Variants in GALK2 observed in about 807,000 individuals in gnomAD.
GALK2 encodes galactokinase 2, also known as N-acetylgalactosamine kinase.
A neutral mutation model predicts 52.4 loss-of-function variants in GALK2; 36 were observed. The observed-to-expected ratio is 0.69, with a 90% confidence interval of 0.53 to 0.91. The LOEUF is 0.91. GALK2 is among the 40% of genes least tolerant of loss of function. The pLI is 0.00. For synonymous variants in GALK2, 176 were observed against 199.1 expected (o/e 0.88, Z 0.98); for missense variants, 579 against 559.1 (o/e 1.04, Z -0.36).
At chr15:49,365,828 C>T (rs1193679932) in intron 3 of GALK2, 1 of 876,198 alleles carries the variant, frequency 1.1e-6, no homozygotes, top group Non-Finnish European at 2.0e-6. Flanking sequence ...AGTCTCACTT[C>T]CATGCTTTTG....
chr15:49,366,527 G>A, intron 3 of GALK2: 1 of 1,499,276 alleles, frequency 6.7e-7, no homozygotes, highest in South Asian at 1.1e-5. Flanking sequence ...TAGGGTACTT[G>A]GAAGAGCTGA....
chr15:49,164,520 C>A (rs2084755375), intron 1 of GALK2, among the ~76,000 whole-genome samples: 1 of 151,828 alleles, frequency 6.6e-6, no homozygotes. Flanking sequence ...GTGGCTCATA[C>A]CTGTAATCGC....
At chr15:49,355,150 C>G (rs1322300208) in intron 3 of GALK2, among the ~76,000 whole-genome samples, 1 of 151,774 alleles carries the variant, frequency 6.6e-6, no homozygotes, top group African/African-American at 2.4e-5. Context: ...AAAAACAGAA[C>G]AGAAAAACTG....
chr15:49,224,686 G>A (rs912737636), intron 3 of GALK2, among the ~76,000 whole-genome samples: 1 of 152,134 alleles, frequency 6.6e-6, no homozygotes, highest in African/African-American at 2.4e-5. Context: ...ATAAGTCTAT[G>A]TCTGTGTATC....
At chr15:49,186,896 A>C (rs1210054481) in intron 1 of GALK2, among the ~76,000 whole-genome samples, 1 of 152,172 alleles carries the variant, frequency 6.6e-6, no homozygotes, top group Non-Finnish European at 1.5e-5. Context: ...TCTGTATAAA[A>C]GGTCACTTGT....
chr15:49,333,187 A>G (rs2039104820), downstream of GALK2, among the ~76,000 whole-genome samples: 1 of 152,202 alleles, frequency 6.6e-6, no homozygotes, highest in African/African-American at 2.4e-5. Context: ...ATACCATAAA[A>G]TTGACCCATT....
intron 2 of GALK2, 107 bp from the exon 3 acceptor site, chr15:49,217,083 C>A: frequency 1.2e-6 from 1 of 853,528 alleles, no homozygotes; most frequent in Non-Finnish European, 1.8e-6. Context: ...TTTTTATTTA[C>A]TGTTAAAACC....
chr15:49,312,238 G>A (rs769556505), intron 8 of GALK2, among the ~76,000 whole-genome samples: 22 of 152,202 alleles, frequency 1.4e-4, no homozygotes, highest in East Asian at 9.6e-4. Flanking sequence ...CTTGTGGGGC[G>A]TAAACAGCTT....
downstream of GALK2, chr15:49,335,312 A>G: frequency 1.4e-6 from 1 of 689,914 alleles, no homozygotes; most frequent in Non-Finnish European, 2.5e-6. Flanking sequence ...ATGCTCAGAC[A>G]TGACTCTCCT....
chr15:49,366,412 T>C, intron 3 of GALK2: 1 of 838,544 alleles, frequency 1.2e-6, no homozygotes, highest in Non-Finnish European at 2.1e-6. Context: ...AGCTGCCCCA[T>C]TGCACCACAA....
intron 8 of GALK2, among the ~76,000 whole-genome samples, chr15:49,294,276 G>T (rs1264196106): frequency 6.6e-6 from 1 of 152,112 alleles, no homozygotes; most frequent in Non-Finnish European, 1.5e-5. Flanking sequence ...TAGGCAAACA[G>T]TCAGAAAGAA....
intron 1 of GALK2, among the ~76,000 whole-genome samples, chr15:49,186,781 C>T (rs937876412): frequency 3.3e-5 from 5 of 152,272 alleles, no homozygotes; most frequent in African/African-American, 9.6e-5. Context: ...TCATGATCCG[C>T]CCACCTTGGC....
At chr15:49,265,671 G>A (rs781126103) in intron 5 of GALK2, among the ~76,000 whole-genome samples, 4 of 152,232 alleles carry the variant, frequency 2.6e-5, no homozygotes, top group African/African-American at 9.6e-5. Flanking sequence ...CGTCGCTCAC[G>A]CTGGGAGCTG....
At chr15:49,192,497 A>ATATATATT (rs2086827725) in intron 1 of GALK2, among the ~76,000 whole-genome samples, 1 of 80,736 alleles carries the variant, frequency 1.2e-5, no homozygotes, top group Admixed American at 1.2e-4. Flanking sequence ...ATATATATAT[A>ATATATATT]TATATATATA....
At chr15:49,298,688 T>G (rs2034697390) in intron 8 of GALK2, among the ~76,000 whole-genome samples, 1 of 152,216 alleles carries the variant, frequency 6.6e-6, no homozygotes, top group Non-Finnish European at 1.5e-5. Context: ...TGTTTAATTC[T>G]GTTTATGTTG....
chr15:49,336,318 C>T (rs571322140), downstream of GALK2, among the ~76,000 whole-genome samples: 1 of 152,242 alleles, frequency 6.6e-6, no homozygotes, highest in Non-Finnish European at 1.5e-5. Context: ...TATGTCCTAA[C>T]CTTGGCCTTA....
intron 1 of GALK2, among the ~76,000 whole-genome samples, chr15:49,176,026 A>G (rs1042105310): frequency 2.6e-5 from 4 of 152,250 alleles, no homozygotes; most frequent in Admixed American, 2.0e-4. Flanking sequence ...TCCCGGCTGA[A>G]TAAACCCCTT....
chr15:49,337,361 T>C (rs2039896330), intron 3 of GALK2, among the ~76,000 whole-genome samples: 1 of 152,154 alleles, frequency 6.6e-6, no homozygotes, highest in Non-Finnish European at 1.5e-5. Flanking sequence ...CTATTGTTTT[T>C]TGACTTTTTA....
chr15:49,367,284 C>T (rs570660338), intron 3 of GALK2, among the ~76,000 whole-genome samples: 1 of 151,970 alleles, frequency 6.6e-6, no homozygotes, highest in African/African-American at 2.4e-5. Flanking sequence ...TAAAGAAAAG[C>T]CAAACATACT....
Sources: gnomAD v4.1 joint callset for allele counts (sites outside exome capture counted in the v4.1 genomes callset) on GRCh38, gnomAD v4.1.1 for gene constraint, MANE v1.5 for transcripts, NCBI Gene and HGNC (gene_info 2026-07-23, HGNC 2026-07-21) for gene names.